LRIG3: variants seen among roughly 807,000 people sequenced by gnomAD.
The protein encoded by LRIG3 is leucine-rich repeats and immunoglobulin-like domains protein 3.
In LRIG3, 76 loss-of-function variants were observed where a neutral mutation model predicts 114.5. That is an observed-to-expected ratio of 0.66 (90% CI 0.55 to 0.80). The LOEUF (loss-of-function observed/expected upper bound fraction) is 0.80. Ranked by LOEUF, LRIG3 falls within the 30% of genes least tolerant of loss-of-function variation. The probability of loss-of-function intolerance (pLI) is 0.00; values close to 1 mark genes in which losing one functional copy is unlikely to be tolerated. For missense variants in LRIG3, 1,239 were observed against 1,382.8 expected (o/e 0.90, Z 1.65); for synonymous variants, 512 against 519.8 (o/e 0.98, Z 0.20).
intron 1 of LRIG3, among the ~76,000 whole-genome samples, chr12:58,917,333 G>A (rs1341620260): frequency 2.0e-5 from 3 of 152,284 alleles, no homozygotes; most frequent in South Asian, 2.1e-4. Context: ...CAACTTTTCC[G>A]TCTCTGGGCT....
At chr12:58,908,285 G>A (rs1256450538) in intron 3 of LRIG3, among the ~76,000 whole-genome samples, 1 of 152,156 alleles carries the variant, frequency 6.6e-6, no homozygotes, top group East Asian at 1.9e-4. Flanking sequence ...AATCTAACAT[G>A]GGCAGTTTTC....
At position 58,882,978 on chromosome 12, in the gene LRIG3, C is replaced by G. The variant is rs373663606; in HGVS notation, c.1371G>C (p.Gln457His). The change falls in exon 12 of 19, where the codon CAG (glutamine) becomes CAC (histidine). Residue 457 changes from glutamine to histidine, a missense_variant. Transcript: ENST00000320743. Reference protein sequence around the residue: ...LCDCQLKWLPQWVAENNFQSF... With the variant: ...LCDCQLKWLPHWVAENNFQSF... ...TCTGAAAGTTGTTTTCCGCCACCCA[C>G]TGTGGGAGCCATTTTAGCTGGCAAT... 71 of 1,614,006 alleles carry G rather than the reference C, an allele frequency of 4.4e-5. No homozygotes were observed. Among genetic ancestry groups the G allele is most frequent in the Non-Finnish European group, 5.8e-5 (68 of 1,179,990 alleles).
intron 3 of LRIG3, among the ~76,000 whole-genome samples, chr12:58,903,947 C>T (rs1432504646): frequency 6.6e-6 from 1 of 152,008 alleles, no homozygotes; most frequent in Non-Finnish European, 1.5e-5. Context: ...GTACCAGTAC[C>T]ATGCTGTTTT....
intron 12 of LRIG3, among the ~76,000 whole-genome samples, chr12:58,882,126 A>C (rs1298227224): frequency 6.6e-6 from 1 of 152,248 alleles, no homozygotes; most frequent in Non-Finnish European, 1.5e-5. Context: ...ATGCCAATGC[A>C]AAAGAAGGTT....
intron 1 of LRIG3, chr12:58,914,570 AG>A (rs1358234956): frequency 2.1e-6 from 1 of 476,370 alleles, no homozygotes; most frequent in African/African-American, 2.2e-5. Flanking sequence ...AAATGTTTTA[AG>A]AGATGTTTTT....
At chr12:58,894,746 T>G (rs569336913) in intron 3 of LRIG3, among the ~76,000 whole-genome samples, 6 of 152,242 alleles carry the variant, frequency 3.9e-5, no homozygotes, top group African/African-American at 1.4e-4. Context: ...TTTCCATTAC[T>G]TAATGTGGAA....
chr12:58,885,803 T>G (rs765296616), intron 10 of LRIG3, 28 bp downstream of exon 10: 1 of 1,489,532 alleles, frequency 6.7e-7, no homozygotes, highest in Non-Finnish European at 9.1e-7. Flanking sequence ...AGATTCTCTT[T>G]TAGGGTAACT....
At chr12:58,898,051 A>G (rs923356112) in intron 3 of LRIG3, among the ~76,000 whole-genome samples, 3 of 152,222 alleles carry the variant, frequency 2.0e-5, no homozygotes, top group Non-Finnish European at 2.9e-5. Context: ...AGATTGCACC[A>G]TAAGGATTTA....
chr12:58,908,774 T>C (rs1272801541), intron 3 of LRIG3, among the ~76,000 whole-genome samples: 1 of 152,206 alleles, frequency 6.6e-6, no homozygotes, highest in Non-Finnish European at 1.5e-5. Flanking sequence ...CAGCATGTGG[T>C]TATTCCATGA....
chr12:58,883,072 T>A (rs763932851), intron 11 of LRIG3, 40 bp from the exon 12 acceptor site: 3 of 1,550,380 alleles, frequency 1.9e-6, no homozygotes, highest in Non-Finnish European at 2.6e-6. Flanking sequence ...CTGTATGAAA[T>A]GCAGATTTCT....
intron 18 of LRIG3, chr12:58,873,697 T>A (rs563873726): frequency 3.6e-6 from 1 of 281,412 alleles, no homozygotes; most frequent in East Asian, 8.4e-5. Context: ...CAAACCACAA[T>A]CATGCAGAGC....
intron 1 of LRIG3, among the ~76,000 whole-genome samples, chr12:58,918,903 T>G (rs1402394656): frequency 6.6e-6 from 1 of 152,244 alleles, no homozygotes; most frequent in African/African-American, 2.4e-5. Context: ...CAAAAGTTAT[T>G]TAGATTAGCA....
chr12:58,919,332 A>G (rs1872587064), intron 1 of LRIG3: 2 of 1,517,606 alleles, frequency 1.3e-6, no homozygotes, highest in South Asian at 2.4e-5. Context: ...CTGAGGAGCT[A>G]CAGAAATCAC....
At chr12:58,910,698 C>T (rs1872244701) in intron 3 of LRIG3, among the ~76,000 whole-genome samples, 1 of 152,176 alleles carries the variant, frequency 6.6e-6, no homozygotes, top group South Asian at 2.1e-4. Flanking sequence ...TCTAGGACAC[C>T]AGGCAAGCAT....
At chr12:58,900,845 T>C (rs1871820197) in intron 3 of LRIG3, among the ~76,000 whole-genome samples, 1 of 152,212 alleles carries the variant, frequency 6.6e-6, no homozygotes, top group South Asian at 2.1e-4. Context: ...CTTGTCCTTG[T>C]GAATAAGGCA....
Position 58,920,019 on chromosome 12 carries a change from G to C in LRIG3, c.217C>G (p.Pro73Ala), listed in dbSNP as rs979687295. The change falls in exon 1 of 19, where the codon CCG becomes GCG. Residue 73 changes from proline to alanine, a missense_variant. By Grantham distance (27) the Pro-to-Ala change is conservative (BLOSUM62 -1). Coordinates refer to ENST00000320743, the MANE Select transcript of LRIG3 (RefSeq NM_153377.5). ...KRLARLPEPL[P>A]SWVARLDLSH... ...ACTTACAGCCGAGCGACCCAGGACGGGAGTGGCTCGGGAAGACGCGCTAGC... is the reference window on the plus strand; with the variant it reads ...ACTTACAGCCGAGCGACCCAGGACGCGAGTGGCTCGGGAAGACGCGCTAGC... 6.0e-5 allele frequency: 93 copies of C among 1,552,382 alleles called. No homozygotes were observed. Among genetic ancestry groups the C allele is most frequent in the Non-Finnish European group, 7.8e-5 (89 of 1,148,324 alleles).
At chr12:58,900,968 C>T (rs1012855799) in intron 3 of LRIG3, among the ~76,000 whole-genome samples, 18 of 152,132 alleles carry the variant, frequency 1.2e-4, no homozygotes, top group African/African-American at 3.9e-4. Context: ...ACTGTGGCCC[C>T]GTGCTGTCGA....
intron 1 of LRIG3, among the ~76,000 whole-genome samples, chr12:58,917,771 T>G (rs1244870547): frequency 6.6e-6 from 1 of 152,178 alleles, no homozygotes; most frequent in Non-Finnish European, 1.5e-5. Context: ...CCTACTATTT[T>G]GATTACCCAA....
At chr12:58,906,127 T>C (rs535447461) in intron 3 of LRIG3, among the ~76,000 whole-genome samples, 80 of 152,306 alleles carry the variant, frequency 5.3e-4, no homozygotes, top group Middle Eastern at 3.4e-3. Flanking sequence ...GGATGGGATA[T>C]GGTTTCTGTC....
Sources: gnomAD v4.1 joint callset for allele counts (sites outside exome capture counted in the v4.1 genomes callset) on GRCh38, gnomAD v4.1.1 for gene constraint, MANE v1.5 for transcripts, NCBI Gene and HGNC (gene_info 2026-07-23, HGNC 2026-07-21) for gene names.